Variants in MEGF6 observed in about 807,000 individuals in gnomAD.
MEGF6 encodes multiple epidermal growth factor-like domains protein 6.
A neutral mutation model predicts 207.1 loss-of-function variants in MEGF6; 184 were observed. The observed-to-expected ratio is 0.89, with a 90% CI of 0.79 to 1.00. The LOEUF (loss-of-function observed/expected upper bound fraction) is 1.00. Ranked by LOEUF, MEGF6 falls within the 50% of genes least tolerant of loss-of-function variation. The pLI is 0.00. For missense variants in MEGF6, 2,282 were observed against 2,202.9 expected, an observed-to-expected ratio of 1.04 and a Z score of -0.72; for synonymous variants, 1,038 against 910.0, an observed-to-expected ratio of 1.14 and a Z score of -2.53.
intron 10 of MEGF6, among the ~76,000 whole-genome samples, chr1:3,510,496 C>T (rs545316518): frequency 1.3e-5 from 2 of 149,100 alleles, no homozygotes; most frequent in African/African-American, 5.0e-5. Context: ...GCTCAACCAA[C>T]GCCCACAGCC....
chr1:3,511,412 C>T, intron 9 of MEGF6, 138 bp downstream of exon 9: 1 of 1,135,504 alleles, frequency 8.8e-7, no homozygotes, highest in Admixed American at 3.0e-5. Flanking sequence ...ACCACCCCGC[C>T]AGGGCCCAGG....
chr1:3,534,073 C>T (rs10797400), intron 4 of MEGF6, among the ~76,000 whole-genome samples: 22 of 151,900 alleles, frequency 1.4e-4, no homozygotes, highest in Non-Finnish European at 2.5e-4. Flanking sequence ...AGCCGCTGCG[C>T]GAGGCCCCAA....
rs1302217869 is a variant in MEGF6, at chr1:3,498,823, C to T, written c.3098G>A (p.Cys1033Tyr). ...GTTGTCGCCGTACAGGCCGGCAGGG[C>T]AGGCTGGGGCCAGGGAAGAGGGAGC... is the stretch of plus-strand genomic sequence containing the variant. ...GWMGPSCLQA[C>Y]PAGLYGDNCR... is the part of the protein sequence containing the mutation. Residue 1033 changes from cysteine to tyrosine, a missense_variant, in exon 25 of 37, where the codon TGC becomes TAC. Physicochemically the swap from Cys to Tyr is radical, Grantham distance 194 (BLOSUM62 -2). Coordinates refer to ENST00000356575, the MANE Select transcript of MEGF6 (RefSeq NM_001409.4). 6.4e-7 allele frequency: 1 copy of T among 1,551,552 alleles called. No individual in the cohort carries two copies. The highest frequency in any genetic ancestry group is 8.7e-7 in the Non-Finnish European group (1 of 1,147,866).
intron 17 of MEGF6, among the ~76,000 whole-genome samples, chr1:3,502,323 G>C (rs1048976941): frequency 6.6e-6 from 1 of 152,082 alleles, no homozygotes; most frequent in African/African-American, 2.4e-5. Flanking sequence ...CCCGAGGTAG[G>C]GCCTGCTCTT....
chr1:3,531,211 A>G, intron 4 of MEGF6: 1 of 1,495,294 alleles, frequency 6.7e-7, no homozygotes, highest in Non-Finnish European at 8.9e-7. Context: ...AAGGCACCAG[A>G]GCGCGGCCAG....
chr1:3,497,145 C>T, intron 27 of MEGF6, 26 bp from the exon 28 acceptor site: 1 of 1,548,890 alleles, frequency 6.5e-7, no homozygotes, highest in Non-Finnish European at 8.7e-7. Context: ...CAGGGTCGGT[C>T]CTGGCCCAGC....
At chr1:3,605,451 C>A (rs1378461244) in intron 1 of MEGF6, among the ~76,000 whole-genome samples, 1 of 152,034 alleles carries the variant, frequency 6.6e-6, no homozygotes, top group South Asian at 2.1e-4. Context: ...CACCCTCATA[C>A]ACACATATGC....
In MEGF6 at chr1:3,602,471, C is replaced by A; in HGVS notation, c.261G>T (p.Glu87Asp). The change falls in exon 2 of 37, where the codon GAG becomes GAT. Residue 87 changes from glutamate (E) to aspartate (D), a missense_variant. Physicochemically the swap from Glu to Asp is conservative, Grantham distance 45. Coordinates refer to ENST00000356575, the MANE Select transcript of MEGF6 (RefSeq NM_001409.4). ...ACACGGGCCCCTGCACTTACCTCCG[C>A]TCATGACCCACGCACCACGCCTGCC... is the stretch of plus-strand genomic sequence containing the variant. ...CGWQAWCVGH[E>D]RRTVYYMGYR... is the part of the protein sequence containing the mutation. 1 of 1,613,416 alleles carries A rather than the reference C, an allele frequency of 6.2e-7. No homozygotes were observed. Among genetic ancestry groups the A allele is most frequent in the African/African-American group, 1.3e-5 (1 of 75,066 alleles).
upstream of MEGF6, among the ~76,000 whole-genome samples, chr1:3,612,061 C>T (rs1274451234): frequency 1.3e-5 from 2 of 152,184 alleles, no homozygotes; most frequent in Non-Finnish European, 1.5e-5. Flanking sequence ...ACCCACTTCC[C>T]GCAGGGCAGG....
upstream of MEGF6, among the ~76,000 whole-genome samples, chr1:3,615,531 T>C (rs1644370399): frequency 6.6e-6 from 1 of 152,202 alleles, no homozygotes; most frequent in African/African-American, 2.4e-5. Context: ...AATTCCACTG[T>C]TAGGTATGCC....
Position 3,541,803 on chromosome 1 carries a change from C to T in MEGF6, c.482-17557G>A, listed in dbSNP as rs542116715. Among the ~76,000 whole-genome samples, 8 of 152,118 alleles carry T rather than the reference C, an allele frequency of 5.3e-5. No individual in the cohort carries two copies. In the East Asian group the frequency reaches 1.2e-3, roughly 22 times the overall value. ...TGGGAAGGGCAGAGCGACAGACTCC[C>T]GGGCACAGGGGCTCCCTGGGGGCAC... is the stretch of plus-strand genomic sequence containing the variant. On this transcript the variant is annotated intron_variant, in intron 4 of 36. Transcript: ENST00000356575.
At chr1:3,550,876 G>A (rs1642862954) in intron 4 of MEGF6, among the ~76,000 whole-genome samples, 2 of 152,254 alleles carry the variant, frequency 1.3e-5, no homozygotes, top group South Asian at 4.1e-4. Flanking sequence ...CCGTGTGCTA[G>A]TCCATTGGCA....
Position 3,505,504 on chromosome 1 carries a change from C to T in MEGF6, c.1971G>A (p.Val657=), listed in dbSNP as rs1216827842. 8 of 1,604,458 alleles carry T rather than the reference C, an allele frequency of 5.0e-6. No homozygotes were observed. Among genetic ancestry groups the T allele is most frequent in the South Asian group, 1.1e-5 (1 of 89,940 alleles). Residue 657 remains valine (V), a synonymous_variant, in exon 16 of 37, where the codon GTG becomes GTA. Transcript: ENST00000356575. ...GPGCSEECQC[V]QPHTQSCDKR... is the part of the protein sequence containing the mutation. ...TGTCACAGGACTGCGTGTGGGGCTG[C>T]ACACACTGGCACTCCTCCGAGCAGC...
At chr1:3,528,674 G>A (rs1048141545) in intron 4 of MEGF6, among the ~76,000 whole-genome samples, 3 of 152,104 alleles carry the variant, frequency 2.0e-5, no homozygotes, top group Admixed American at 6.6e-5. Flanking sequence ...AGCAGAGGTC[G>A]GAGGGAGGCA....
At chr1:3,521,825 G>A (rs575978240) in intron 5 of MEGF6, among the ~76,000 whole-genome samples, 73 of 152,338 alleles carry the variant, frequency 4.8e-4, no homozygotes, top group African/African-American at 1.7e-3. Context: ...ATGGGCAAGG[G>A]ACAAGGGGGG....
At chr1:3,508,792 C>A in intron 12 of MEGF6, 103 bp from the exon 13 acceptor site, 1 of 1,432,566 alleles carries the variant, frequency 7.0e-7, no homozygotes, top group Non-Finnish European at 9.5e-7. Context: ...GCATAAGGGG[C>A]ATCCTCGGCC....
At chr1:3,519,486 C>T (rs536377096) in intron 5 of MEGF6, among the ~76,000 whole-genome samples, 79 of 152,390 alleles carry the variant, frequency 5.2e-4, no homozygotes, top group African/African-American at 1.9e-3. Flanking sequence ...CTACTCGCTG[C>T]TGAGCGTCAG....
intron 34 of MEGF6, chr1:3,493,520 T>C (rs905065964): frequency 1.2e-5 from 7 of 562,048 alleles, no homozygotes; most frequent in African/African-American, 9.5e-5. Flanking sequence ...CCCATGACCA[T>C]GGCCTTCCTG....
Position 3,500,741 on chromosome 1 carries a change from G to C in MEGF6, c.2599C>G (p.Pro867Ala). 1.2e-6 allele frequency: 2 copies of C among 1,603,360 alleles called. No homozygotes were observed. The highest frequency in any genetic ancestry group is 8.5e-7 in the Non-Finnish European group (1 of 1,175,596). ...CAGTTGCAGGGGTGGCTGCAGTCAG[G>C]TCCCCAGTGCCCAGTATCACAGGCT... ...QRACDTGHWG[P>A]DCSHPCNCSA... Residue 867 changes from proline (P) to alanine (A), a missense_variant, in exon 21 of 37, where the codon CCT becomes GCT. Coordinates refer to ENST00000356575, the MANE Select transcript of MEGF6 (RefSeq NM_001409.4).
Sources: gnomAD v4.1 joint callset for allele counts (sites outside exome capture counted in the v4.1 genomes callset) on GRCh38, gnomAD v4.1.1 for gene constraint, MANE v1.5 for transcripts, NCBI Gene and HGNC (gene_info 2026-07-23, HGNC 2026-07-21) for gene names.